Variants in NKAIN2 observed in about 807,000 individuals in gnomAD.
The protein encoded by NKAIN2 is sodium/potassium transporting ATPase interacting 2.
Under a neutral mutation model 32.6 loss-of-function variants are expected in NKAIN2, and 14 were observed. The ratio of observed to expected loss-of-function variants is 0.43; its 90% confidence interval spans 0.28 to 0.67. The LOEUF is 0.67. Among genes scored for constraint, NKAIN2 ranks in the 30% least tolerant of loss-of-function variants. NKAIN2 has a pLI of 0.17. For missense variants in NKAIN2, 198 were observed against 258.3 expected (o/e 0.77, Z 1.60); for synonymous variants, 80 against 87.2 (o/e 0.92, Z 0.46).
At chr6:124,467,823 A>G (rs1195870967) in intron 3 of NKAIN2, among the ~76,000 whole-genome samples, 1 of 152,144 alleles carries the variant, frequency 6.6e-6, no homozygotes, top group African/African-American at 2.4e-5. Context: ...TGAAAATATT[A>G]TTATAAATTT....
intron 4 of NKAIN2, among the ~76,000 whole-genome samples, chr6:124,732,134 GA>G (rs969354843): frequency 4.6e-5 from 7 of 151,266 alleles, no homozygotes; most frequent in African/African-American, 1.5e-4. Flanking sequence ...ATAGAGATGA[GA>G]AAAAAAAATC....
chr6:124,052,345 C>T (rs969470572), intron 1 of NKAIN2, among the ~76,000 whole-genome samples: 1 of 152,028 alleles, frequency 6.6e-6, no homozygotes, highest in Non-Finnish European at 1.5e-5. Context: ...TAAGCTAGAA[C>T]AAGTAGTAAT....
At chr6:123,908,567 G>A (rs1718820477) in intron 1 of NKAIN2, among the ~76,000 whole-genome samples, 1 of 152,144 alleles carries the variant, frequency 6.6e-6, no homozygotes, top group Admixed American at 6.5e-5. Flanking sequence ...AGTAGTGAAT[G>A]TCAAACATGA....
intron 1 of NKAIN2, among the ~76,000 whole-genome samples, chr6:123,960,383 A>G (rs1412013320): frequency 1.3e-5 from 2 of 152,178 alleles, no homozygotes; most frequent in Non-Finnish European, 1.5e-5. Context: ...GATTTTCTCT[A>G]TGTTCTCTCC....
intron 3 of NKAIN2, among the ~76,000 whole-genome samples, chr6:124,367,986 G>C (rs906509314): frequency 6.6e-6 from 1 of 151,988 alleles, no homozygotes. Context: ...TGCTGGGTAG[G>C]TTATACCCAG....
intron 3 of NKAIN2, among the ~76,000 whole-genome samples, chr6:124,449,756 G>A (rs1342299911): frequency 6.6e-6 from 1 of 152,012 alleles, no homozygotes; most frequent in Non-Finnish European, 1.5e-5. Context: ...AAGGCATTTA[G>A]TATAATGTAA....
intron 4 of NKAIN2, among the ~76,000 whole-genome samples, chr6:124,698,722 A>G (rs962890450): frequency 1.3e-5 from 2 of 152,190 alleles, no homozygotes; most frequent in Non-Finnish European, 2.9e-5. Flanking sequence ...AAGCTATATC[A>G]GATTTGCCAT....
chr6:124,689,799 T>C (rs73770534), intron 4 of NKAIN2, among the ~76,000 whole-genome samples: 10,359 of 152,018 alleles, frequency 0.068, 535 homozygotes, highest in African/African-American at 0.14. Context: ...CTGGACTCTT[T>C]ATTCTGTTCC....
intron 5 of NKAIN2, among the ~76,000 whole-genome samples, chr6:124,814,356 C>A (rs1346506804): frequency 6.6e-6 from 1 of 152,042 alleles, no homozygotes; most frequent in Non-Finnish European, 1.5e-5. Flanking sequence ...AGAAAATATG[C>A]CCTCTACTTC....
chr6:124,512,559 C>T (rs889499869), intron 3 of NKAIN2, among the ~76,000 whole-genome samples: 1 of 152,084 alleles, frequency 6.6e-6, no homozygotes, highest in Non-Finnish European at 1.5e-5. Context: ...AGGACATAAA[C>T]ACTAAAAGAG....
chr6:124,478,206 G>T lies in NKAIN2; in HGVS notation c.273+122859G>T, dbSNP rs1014048745. Among the ~76,000 whole-genome samples, 38 of 152,148 alleles carry T rather than the reference G, an allele frequency of 2.5e-4. 1 individual carries two copies. The highest frequency in any genetic ancestry group is 9.2e-4 in the African/African-American group (38 of 41,442). ...AAGTTGAATGTGTTTTGTCTTAACAGATATAAGGAAAGTGCTCTGAAAAGA... is the reference window on the plus strand; with the variant it reads ...AAGTTGAATGTGTTTTGTCTTAACATATATAAGGAAAGTGCTCTGAAAAGA... On this transcript the variant is annotated intron_variant, in intron 3 of 6. Coordinates refer to ENST00000368417, the MANE Select transcript of NKAIN2 (RefSeq NM_001040214.3).
chr6:124,076,647 G>A (rs1783711659), intron 1 of NKAIN2, among the ~76,000 whole-genome samples: 1 of 152,326 alleles, frequency 6.6e-6, no homozygotes, highest in South Asian at 2.1e-4. Context: ...CTCCTTTACA[G>A]AAATTTCTTA....
In NKAIN2 at chr6:124,378,359, A is replaced by G. The variant is rs1342212805; in HGVS notation, c.273+23012A>G. ...GAAGAGTCTCATCTGTGCATGTCCT[A>G]CTTTCACCACAACTGAGGCACCCTG... On this transcript the variant is annotated intron_variant, in intron 3 of 6. Transcript: ENST00000368417. 2.0e-5 allele frequency among the ~76,000 whole-genome samples: 3 copies of G among 152,240 alleles called. No individual in the cohort carries two copies. In the East Asian group the frequency reaches 5.8e-4, roughly 29 times the overall value.
intron 1 of NKAIN2, among the ~76,000 whole-genome samples, chr6:124,117,550 A>G (rs1032459691): frequency 1.3e-5 from 2 of 152,152 alleles, no homozygotes; most frequent in Non-Finnish European, 2.9e-5. Flanking sequence ...CCATTAAGGC[A>G]TATACTCTGT....
At chr6:124,074,642 A>G (rs1783610215) in intron 1 of NKAIN2, among the ~76,000 whole-genome samples, 1 of 152,116 alleles carries the variant, frequency 6.6e-6, no homozygotes, top group Non-Finnish European at 1.5e-5. Flanking sequence ...CACACTTTCA[A>G]TACCTTAATG....
chr6:124,639,664 C>T (rs1267725371), intron 3 of NKAIN2, among the ~76,000 whole-genome samples: 1 of 151,886 alleles, frequency 6.6e-6, no homozygotes, highest in Non-Finnish European at 1.5e-5. Context: ...ATATATACCA[C>T]GAAATACTAT....
chr6:124,083,240 C>T (rs1784053414), intron 1 of NKAIN2, among the ~76,000 whole-genome samples: 1 of 151,792 alleles, frequency 6.6e-6, no homozygotes, highest in Non-Finnish European at 1.5e-5. Context: ...TTAGTATACT[C>T]ATCTGTAAAA....
At chr6:124,098,506 T>G (rs1784738287) in intron 1 of NKAIN2, among the ~76,000 whole-genome samples, 2 of 152,072 alleles carry the variant, frequency 1.3e-5, no homozygotes, top group Non-Finnish European at 2.9e-5. Context: ...GAGGAATGGG[T>G]TTTGAGATGG....
intron 1 of NKAIN2, among the ~76,000 whole-genome samples, chr6:123,960,224 T>C (rs1324248782): frequency 2.0e-5 from 3 of 152,220 alleles, no homozygotes; most frequent in Admixed American, 6.5e-5. Context: ...AAGACACGTG[T>C]AAGCTGTGAT....
Sources: allele counts gnomAD v4.1 joint callset (sites outside exome capture counted in the v4.1 genomes callset), GRCh38; gene constraint gnomAD v4.1.1; transcripts MANE v1.5; gene names NCBI Gene and HGNC (gene_info 2026-07-23, HGNC 2026-07-21).